The following VTI1A variants were observed in gnomAD, a reference collection of about 807,000 sequenced individuals.
The protein encoded by VTI1A is vesicle transport through interaction with t-SNAREs homolog 1A.
Under a neutral mutation model 34.9 loss-of-function variants are expected in VTI1A, and 22 were observed. The ratio of observed to expected loss-of-function variants is 0.63; its 90% CI spans 0.45 to 0.90. The LOEUF is 0.90. VTI1A is among the 40% of genes least tolerant of loss of function. The pLI, the probability that VTI1A is intolerant of heterozygous loss-of-function variation, is 0.00. For missense variants in VTI1A, 268 were observed against 275.6 expected, an observed-to-expected ratio of 0.97 and a Z score of 0.20; for synonymous variants, 87 against 97.3, an observed-to-expected ratio of 0.89 and a Z score of 0.62.
chr10:112,744,752 G>C (rs1357246971), intron 7 of VTI1A, among the ~76,000 whole-genome samples: 3 of 152,080 alleles, frequency 2.0e-5, no homozygotes, highest in Non-Finnish European at 4.4e-5. Flanking sequence ...GCCTACTATT[G>C]CACTTTCGAT....
chr10:112,585,634 A>G (rs139262798), intron 5 of VTI1A, among the ~76,000 whole-genome samples: 3 of 150,978 alleles, frequency 2.0e-5, no homozygotes, highest in African/African-American at 7.3e-5. Context: ...ATCAAGTGGT[A>G]CAGAGAAACA....
the VTI1A span, among the ~76,000 whole-genome samples, chr10:112,830,847 A>ATT: frequency 4.2e-4 from 13 of 30,984 alleles, no homozygotes; most frequent in Admixed American, 1.1e-3. Context: ...ATATATATAT[A>ATT]TATTTTTTTT....
chr10:112,487,066 T>C (rs1438501957), intron 3 of VTI1A, among the ~76,000 whole-genome samples: 1 of 152,160 alleles, frequency 6.6e-6, no homozygotes, highest in Non-Finnish European at 1.5e-5. Flanking sequence ...TGTAGGCATA[T>C]ATATCTTATA....
chr10:112,676,046 C>T (rs891293583), intron 7 of VTI1A, among the ~76,000 whole-genome samples: 3 of 152,090 alleles, frequency 2.0e-5, no homozygotes, highest in African/African-American at 4.8e-5. Context: ...TTATCATTAT[C>T]GTCATCGGTT....
chr10:112,640,601 G>A (rs149735148), intron 5 of VTI1A, among the ~76,000 whole-genome samples: 264 of 152,238 alleles, frequency 1.7e-3, no homozygotes, highest in African/African-American at 6.2e-3. Context: ...AAATATTGAT[G>A]TGGATCAGGT....
chr10:112,483,130 C>T (rs975667234), intron 3 of VTI1A, among the ~76,000 whole-genome samples: 1 of 152,124 alleles, frequency 6.6e-6, no homozygotes, highest in Non-Finnish European at 1.5e-5. Flanking sequence ...GGTGCTCAAG[C>T]AACGATCTGC....
intron 2 of VTI1A, among the ~76,000 whole-genome samples, chr10:112,463,556 T>C (rs1323856268): frequency 1.3e-5 from 2 of 152,166 alleles, no homozygotes; most frequent in East Asian, 1.9e-4. Context: ...TAAACCATTA[T>C]AGTATTTCTG....
intron 7 of VTI1A, among the ~76,000 whole-genome samples, chr10:112,740,649 G>A (rs1221479646): frequency 6.6e-6 from 1 of 152,192 alleles, no homozygotes; most frequent in East Asian, 1.9e-4. Context: ...TACTAGAATG[G>A]CTAAAATAAA....
chr10:112,747,162 C>T (rs981863037), intron 7 of VTI1A, among the ~76,000 whole-genome samples: 5 of 152,304 alleles, frequency 3.3e-5, no homozygotes, highest in Middle Eastern at 3.4e-3. Flanking sequence ...GGGACTCCAC[C>T]GGGCCTCCAA....
chr10:112,458,221 C>T (rs1178600028), intron 1 of VTI1A, among the ~76,000 whole-genome samples: 2 of 152,186 alleles, frequency 1.3e-5, no homozygotes, highest in African/African-American at 4.8e-5. Context: ...TTCCTATCAA[C>T]TGAATACCTT....
intron 7 of VTI1A, among the ~76,000 whole-genome samples, chr10:112,713,937 A>G (rs546414838): frequency 5.3e-5 from 8 of 152,172 alleles, no homozygotes; most frequent in Non-Finnish European, 1.0e-4. Context: ...CATAGGCAAG[A>G]TAGCAAAAGA....
Position 112,480,032 on chromosome 10 carries a change from G to A in VTI1A, c.264+15375G>A, listed in dbSNP as rs74158730. On this transcript the variant is annotated intron_variant, in intron 3 of 7. Coordinates refer to ENST00000393077, the MANE Select transcript of VTI1A (RefSeq NM_145206.4). ...ATATTGATAAAGTATTGACTTTAGC[G>A]TACATACCTAAAGACAGCAAGAAAA... 8.6e-3 allele frequency among the ~76,000 whole-genome samples: 1,316 copies of A among 152,220 alleles called. 17 individuals are homozygous for A. The highest frequency in any genetic ancestry group is 0.029 in the African/African-American group (1,210 of 41,520).
intron 7 of VTI1A, among the ~76,000 whole-genome samples, chr10:112,790,473 G>A (rs1228953860): frequency 2.0e-5 from 3 of 152,032 alleles, no homozygotes; most frequent in Admixed American, 6.6e-5. Context: ...CCTGTTACCC[G>A]CCCCAACTAG....
intron 7 of VTI1A, among the ~76,000 whole-genome samples, chr10:112,750,986 T>G (rs1246298501): frequency 1.3e-5 from 2 of 152,180 alleles, no homozygotes; most frequent in Non-Finnish European, 2.9e-5. Flanking sequence ...GAACGAAAGT[T>G]CCCCTGTTGG....
At chr10:112,724,279 A>T (rs1328699599) in intron 7 of VTI1A, among the ~76,000 whole-genome samples, 1 of 152,244 alleles carries the variant, frequency 6.6e-6, no homozygotes, top group East Asian at 1.9e-4. Flanking sequence ...AGAGAGCTGA[A>T]GAAAAGATGT....
At chr10:112,741,727 AC>A (rs1255455547) in intron 7 of VTI1A, among the ~76,000 whole-genome samples, 4 of 152,326 alleles carry the variant, frequency 2.6e-5, no homozygotes, top group Admixed American at 6.5e-5. Context: ...TCAAAAATCA[AC>A]ATATCTGAAC....
chr10:112,636,217 C>T (rs957539137), intron 5 of VTI1A, among the ~76,000 whole-genome samples: 1 of 152,170 alleles, frequency 6.6e-6, no homozygotes, highest in Admixed American at 6.5e-5. Flanking sequence ...TTTGCCATCC[C>T]ATAAATCTTT....
At chr10:112,841,638 TAGAA>T in the VTI1A span, among the ~76,000 whole-genome samples, 1 of 152,142 alleles carries the variant, frequency 6.6e-6, no homozygotes, top group African/African-American at 2.4e-5. Flanking sequence ...CATCACAAAA[TAGAA>T]AGGTGGTGAA....
In VTI1A at chr10:112,472,238, G is replaced by A. The variant is rs74422063; in HGVS notation, c.264+7581G>A. ...CTTCTATCCCAGGTCAGTGGTGCCC[G>A]AATGCTGCCTTTTCCTGTTTGGCAG... On this transcript the variant is annotated intron_variant, in intron 3 of 7. Coordinates refer to ENST00000393077, the MANE Select transcript of VTI1A (RefSeq NM_145206.4). Among the ~76,000 whole-genome samples, 31 of 152,258 alleles carry A rather than the reference G, an allele frequency of 2.0e-4. No individual in the cohort carries two copies. In the East Asian group the frequency reaches 5.0e-3, roughly 25 times the overall value.
Sources: allele counts gnomAD v4.1 joint callset (sites outside exome capture counted in the v4.1 genomes callset), GRCh38; gene constraint gnomAD v4.1.1; transcripts MANE v1.5; gene names NCBI Gene and HGNC (gene_info 2026-07-23, HGNC 2026-07-21).